SFTPD: variants seen among roughly 807,000 people sequenced by gnomAD.
SFTPD encodes the protein pulmonary surfactant-associated protein D.
SFTPD carries 18 observed loss-of-function variants against 34.6 expected under a neutral mutation model. The observed-to-expected ratio is 0.52, with a 90% CI of 0.36 to 0.77. SFTPD has a LOEUF of 0.77. SFTPD is among the 30% of genes least tolerant of loss of function. The pLI, the probability that SFTPD is intolerant of heterozygous loss-of-function variation, is 0.00. For missense variants in SFTPD, 433 were observed against 468.9 expected, an observed-to-expected ratio of 0.92 and a Z score of 0.71; for synonymous variants, 155 against 180.9, an observed-to-expected ratio of 0.86 and a Z score of 1.15.
At chr10:79,974,971 C>T (rs61860417) in intron 1 of SFTPD, among the ~76,000 whole-genome samples, 13,254 of 152,108 alleles carry the variant, frequency 0.087, 754 homozygotes, top group South Asian at 0.2. Flanking sequence ...AGGGATGGGC[C>T]GAAATAAAGG....
At chr10:79,947,046 C>A (rs1842673052) in intron 1 of SFTPD, among the ~76,000 whole-genome samples, 1 of 152,214 alleles carries the variant, frequency 6.6e-6, no homozygotes, top group Admixed American at 6.5e-5. Flanking sequence ...CACCCCCCGC[C>A]CACTCCCTAG....
upstream of SFTPD, among the ~76,000 whole-genome samples, chr10:79,949,815 T>A (rs368040944): frequency 1.3e-5 from 2 of 152,124 alleles, no homozygotes; most frequent in African/African-American, 2.4e-5. Flanking sequence ...TTAGGACCCC[T>A]GAGCTGATGC....
chr10:79,970,439 G>GAT (rs1842828942), intron 1 of SFTPD: 1 of 151,986 alleles, frequency 6.6e-6, no homozygotes, highest in Non-Finnish European at 1.5e-5. Context: ...GAACTTTATT[G>GAT]AATCTGTAGA....
At position 79,965,543 on chromosome 10, in the gene SFTPD, T is replaced by TC. The variant is rs1842798724; in HGVS notation, c.36+17031_36+17032insG. ...CCACTATTTCATTTTATTTTTCTTT[T>TC]TTTTTTTTTAATTTTTTATTTTTTA... On this transcript the variant is annotated intron_variant, in intron 1 of 5. Coordinates refer to the SFTPD transcript ENST00000444384. Among the ~76,000 whole-genome samples the TC allele has an allele frequency of 2.2e-5, 3 of 135,730 alleles. 1 individual carries two copies. Among genetic ancestry groups the TC allele is most frequent in the East Asian group, 6.1e-4 (2 of 3,302 alleles). The allele number at this position is 135,730 out of a possible 152,430, so 89.0% of individuals were successfully genotyped here. A position where few individuals can be genotyped will look rare whatever the true frequency, so the allele number is the denominator to read the frequency against.
intron 1 of SFTPD, chr10:79,970,560 G>A (rs1842829615): frequency 6.6e-6 from 1 of 151,962 alleles, no homozygotes. Context: ...ATGTTTTACA[G>A]TTTGCCTTGT....
chr10:79,944,289 AACAG>A (rs1842643815), intron 2 of SFTPD, among the ~76,000 whole-genome samples: 1 of 152,240 alleles, frequency 6.6e-6, no homozygotes, highest in African/African-American at 2.4e-5. Flanking sequence ...ATCTCATAGA[AACAG>A]ATAATAAAAC....
chr10:79,945,569 C>T (rs893234243), intron 2 of SFTPD, among the ~76,000 whole-genome samples: 2 of 152,198 alleles, frequency 1.3e-5, no homozygotes, highest in Admixed American at 6.5e-5. Flanking sequence ...TCCCTACAAG[C>T]GGGGAGCAGT....
At chr10:79,953,921 C>T (rs948679734), upstream of SFTPD, among the ~76,000 whole-genome samples, 1 of 151,616 alleles carries the variant, frequency 6.6e-6, no homozygotes, top group Admixed American at 6.6e-5. Flanking sequence ...ATTCTTTCTT[C>T]CACTTGATTG....
chr10:79,954,621 G>C (rs774930329), intron 1 of SFTPD, among the ~76,000 whole-genome samples: 1 of 152,180 alleles, frequency 6.6e-6, no homozygotes, highest in African/African-American at 2.4e-5. Flanking sequence ...TCACCAACAG[G>C]TCTGCTAGTG....
intron 1 of SFTPD, among the ~76,000 whole-genome samples, chr10:79,975,356 C>G (rs142709117): frequency 0.019 from 2,885 of 152,246 alleles, 102 homozygotes; most frequent in African/African-American, 0.066. Flanking sequence ...GTTATACTCT[C>G]CTTCCTCCTC....
At chr10:79,949,343 C>T (rs183325744), upstream of SFTPD, among the ~76,000 whole-genome samples, 4 of 152,306 alleles carry the variant, frequency 2.6e-5, no homozygotes, top group East Asian at 5.8e-4. Context: ...CACTGCAGCT[C>T]TGTGAATTAA....
chr10:79,970,889 C>T (rs1217886078), intron 1 of SFTPD: 2 of 152,178 alleles, frequency 1.3e-5, no homozygotes, highest in Non-Finnish European at 2.9e-5. Flanking sequence ...CCTAGAACAT[C>T]ATCCAATACT....
chr10:79,969,550 T>A (rs1458880620), intron 1 of SFTPD: 1 of 152,228 alleles, frequency 6.6e-6, no homozygotes, highest in African/African-American at 2.4e-5. Flanking sequence ...CTCCACATCC[T>A]CAACAACACT....
At chr10:79,962,943 CTTCT>C (rs945700654) in intron 1 of SFTPD, among the ~76,000 whole-genome samples, 20 of 152,172 alleles carry the variant, frequency 1.3e-4, no homozygotes, top group African/African-American at 4.8e-4. Flanking sequence ...TTACAATAAA[CTTCT>C]TTGTCTCTAT....
chr10:79,972,279 C>T (rs1196596330), intron 1 of SFTPD: 1 of 152,236 alleles, frequency 6.6e-6, no homozygotes, highest in Non-Finnish European at 1.5e-5. Flanking sequence ...GCAGGCGGGT[C>T]ACAAGGTCAG....
intron 1 of SFTPD, among the ~76,000 whole-genome samples, chr10:79,975,060 G>T (rs1383566438): frequency 1.3e-5 from 2 of 152,100 alleles, no homozygotes; most frequent in Non-Finnish European, 2.9e-5. Flanking sequence ...GATCTGGGGG[G>T]GTGTATTCCA....
At chr10:79,950,578 A>G (rs1257624435), upstream of SFTPD, 1 of 152,226 alleles carries the variant, frequency 6.6e-6, no homozygotes, top group Non-Finnish European at 1.5e-5. Flanking sequence ...TTTCCTGTAT[A>G]GATTAGACAT....
At chr10:79,973,266 A>C (rs10788338) in intron 1 of SFTPD, 101,137 of 151,908 alleles carry the variant, frequency 0.67, 34,697 homozygotes, top group African/African-American at 0.84. Flanking sequence ...TATTTTTGTA[A>C]CTTCCAAGGA....
chr10:79,980,962 T>A (rs1842886983), intron 1 of SFTPD, among the ~76,000 whole-genome samples: 1 of 152,132 alleles, frequency 6.6e-6, no homozygotes. Flanking sequence ...AAGGAGAACA[T>A]GACCTCACCA....
Sources: gnomAD v4.1 joint callset for allele counts (sites outside exome capture counted in the v4.1 genomes callset) on GRCh38, gnomAD v4.1.1 for gene constraint, MANE v1.5 for transcripts, NCBI Gene and HGNC (gene_info 2026-07-23, HGNC 2026-07-21) for gene names.